Variants in LSAMP observed in about 807,000 individuals in gnomAD.
LSAMP encodes limbic system-associated membrane protein.
LSAMP carries 7 observed loss-of-function variants against 38.6 expected under a neutral mutation model. That is an observed-to-expected ratio of 0.18 (90% confidence interval 0.10 to 0.34). LSAMP has a LOEUF of 0.34. Among genes scored for constraint, LSAMP ranks in the 10% least tolerant of loss-of-function variants. The probability of loss-of-function intolerance (pLI) is 1.00; values close to 1 mark genes in which losing one functional copy is unlikely to be tolerated. For missense variants in LSAMP, 313 were observed against 420.0 expected (o/e 0.75, Z 2.23); for synonymous variants, 154 against 166.8 (o/e 0.92, Z 0.59).
At chr3:116,134,509 C>T (rs1022686796) in intron 1 of LSAMP, among the ~76,000 whole-genome samples, 4 of 152,188 alleles carry the variant, frequency 2.6e-5, no homozygotes, top group East Asian at 1.9e-4. Context: ...AAGTCATATT[C>T]GGCCAACCCA....
At chr3:116,399,563 C>A (rs1266423439) in intron 1 of LSAMP, among the ~76,000 whole-genome samples, 1 of 152,134 alleles carries the variant, frequency 6.6e-6, no homozygotes, top group South Asian at 2.1e-4. Flanking sequence ...CAAAAGTGGG[C>A]AATATAGAGA....
chr3:115,858,076 GTGC>G (rs1277724583), intron 3 of LSAMP, among the ~76,000 whole-genome samples: 2 of 151,736 alleles, frequency 1.3e-5, no homozygotes, highest in Non-Finnish European at 2.9e-5. Flanking sequence ...TATTTCCATG[GTGC>G]TGCTTTCTCT....
intron 1 of LSAMP, among the ~76,000 whole-genome samples, chr3:116,430,638 A>G (rs964432915): frequency 2.6e-5 from 4 of 152,068 alleles, no homozygotes; most frequent in Admixed American, 6.6e-5. Flanking sequence ...AGATACTTCT[A>G]ATTCCTTCTT....
At chr3:115,855,344 A>G (rs1935472982) in intron 3 of LSAMP, among the ~76,000 whole-genome samples, 2 of 152,222 alleles carry the variant, frequency 1.3e-5, no homozygotes. Flanking sequence ...CAATATAAGT[A>G]TTAGTAATCT....
intron 6 of LSAMP, among the ~76,000 whole-genome samples, chr3:115,816,209 G>A (rs914133113): frequency 2.6e-5 from 4 of 152,052 alleles, no homozygotes; most frequent in African/African-American, 7.2e-5. Flanking sequence ...TGCATTTTAG[G>A]GTCTGTTTTA....
At chr3:116,326,634 T>C (rs1187640423) in intron 1 of LSAMP, among the ~76,000 whole-genome samples, 1 of 152,188 alleles carries the variant, frequency 6.6e-6, no homozygotes, top group African/African-American at 2.4e-5. Flanking sequence ...TCCTCAGCCA[T>C]GTGACTTTCC....
At chr3:115,842,418 A>T (rs760757079) in intron 5 of LSAMP, 40 bp downstream of exon 5, 1 of 1,607,980 alleles carries the variant, frequency 6.2e-7, no homozygotes, top group Non-Finnish European at 8.5e-7. Context: ...CCCCAGGCCC[A>T]TGCAGTGGAG....
At chr3:116,419,022 G>A (rs1036379992) in intron 1 of LSAMP, among the ~76,000 whole-genome samples, 4 of 152,042 alleles carry the variant, frequency 2.6e-5, no homozygotes, top group African/African-American at 9.7e-5. Context: ...ACCATCATAG[G>A]CAAACTGTTA....
intron 3 of LSAMP, among the ~76,000 whole-genome samples, chr3:115,904,209 A>G (rs939747812): frequency 1.3e-5 from 2 of 152,180 alleles, no homozygotes; most frequent in African/African-American, 4.8e-5. Context: ...TTAAAAAGAT[A>G]AAGAGCTATT....
intron 2 of LSAMP, among the ~76,000 whole-genome samples, chr3:116,081,588 G>A (rs1707874414): frequency 6.6e-6 from 1 of 152,074 alleles, no homozygotes; most frequent in Admixed American, 6.5e-5. Context: ...TAGGAAATGA[G>A]GCTTTTTAAA....
At chr3:116,096,707 A>C (rs1168136561) in intron 1 of LSAMP, among the ~76,000 whole-genome samples, 2 of 152,206 alleles carry the variant, frequency 1.3e-5, no homozygotes, top group East Asian at 3.9e-4. Flanking sequence ...GGATAGCTGA[A>C]ATAGAGGCCC....
intron 3 of LSAMP, among the ~76,000 whole-genome samples, chr3:115,943,115 T>C (rs1937982076): frequency 6.6e-6 from 1 of 152,132 alleles, no homozygotes; most frequent in African/African-American, 2.4e-5. Flanking sequence ...CACATTTCAG[T>C]AACAAAGAAA....
intron 3 of LSAMP, among the ~76,000 whole-genome samples, chr3:116,017,602 T>C (rs1299372577): frequency 3.9e-5 from 6 of 152,230 alleles, no homozygotes; most frequent in Admixed American, 2.6e-4. Context: ...TAATAATTTA[T>C]ATATTTTTAC....
intron 2 of LSAMP, among the ~76,000 whole-genome samples, chr3:116,040,874 G>A (rs1941155865): frequency 6.6e-6 from 1 of 152,112 alleles, no homozygotes; most frequent in Non-Finnish European, 1.5e-5. Context: ...TAGAACTACA[G>A]ATACATGCCG....
intron 1 of LSAMP, among the ~76,000 whole-genome samples, chr3:116,275,071 TAAAC>T (rs1375502441): frequency 1.3e-5 from 2 of 150,336 alleles, no homozygotes; most frequent in Non-Finnish European, 2.9e-5. Context: ...AATAAATAAA[TAAAC>T]AGGCTCTTGC....
intron 1 of LSAMP, among the ~76,000 whole-genome samples, chr3:116,132,847 G>A (rs1709165150): frequency 6.6e-6 from 1 of 152,182 alleles, no homozygotes; most frequent in South Asian, 2.1e-4. Flanking sequence ...ACATGTGCTT[G>A]AATTACCCTG....
At chr3:116,199,841 C>A (rs1328146115) in intron 1 of LSAMP, among the ~76,000 whole-genome samples, 2 of 152,176 alleles carry the variant, frequency 1.3e-5, no homozygotes, top group South Asian at 4.2e-4. Context: ...GTGGTTGTGG[C>A]AACCATTGAC....
intron 3 of LSAMP, among the ~76,000 whole-genome samples, chr3:115,975,255 TA>T (rs376939433): frequency 0.014 from 2,064 of 151,392 alleles, 48 homozygotes; most frequent in African/African-American, 0.046. Context: ...CCCCATCTCA[TA>T]AAAAAAATAG....
At chr3:115,894,690 C>T (rs1415128791) in intron 3 of LSAMP, among the ~76,000 whole-genome samples, 4 of 151,928 alleles carry the variant, frequency 2.6e-5, no homozygotes, top group Non-Finnish European at 5.9e-5. Flanking sequence ...AAATCTCAAG[C>T]CACTGAAAGA....
Sources: gnomAD v4.1 joint callset for allele counts (sites outside exome capture counted in the v4.1 genomes callset) on GRCh38, gnomAD v4.1.1 for gene constraint, MANE v1.5 for transcripts, NCBI Gene and HGNC (gene_info 2026-07-23, HGNC 2026-07-21) for gene names.